Variants in ERC2 observed in about 807,000 individuals in gnomAD.
The protein encoded by ERC2 is ERC protein 2.
ERC2 carries 42 observed loss-of-function variants against 114.8 expected under a neutral mutation model. The ratio of observed to expected loss-of-function variants is 0.37; its 90% confidence interval spans 0.29 to 0.47. The LOEUF is 0.47. ERC2 is among the 20% of genes least tolerant of loss of function. The pLI, the probability that ERC2 is intolerant of heterozygous loss-of-function variation, is 0.99. For synonymous variants in ERC2, 454 were observed against 425.5 expected (o/e 1.07, Z -0.82); for missense variants, 939 against 1,150.7 (o/e 0.82, Z 2.66).
At chr3:56,174,945 C>G (rs896593161) in intron 3 of ERC2, among the ~76,000 whole-genome samples, 2 of 149,630 alleles carry the variant, frequency 1.3e-5, no homozygotes, top group Non-Finnish European at 3.0e-5. Context: ...GCCACTGCAC[C>G]CCAGCCTGGT....
At position 55,666,881 on chromosome 3, in the gene ERC2, C is replaced by G. The variant is rs138947162; in HGVS notation, c.*39+16913G>C. ...GCAACTTTCGTAAACTCTCTAGGGT[C>G]CAGTTTTCTTCTCTTTAACATGTAA... On this transcript the variant is annotated intron_variant, in intron 17 of 17. Coordinates refer to ENST00000288221, the MANE Select transcript of ERC2 (RefSeq NM_015576.3). Among the ~76,000 whole-genome samples, 214 of 151,962 alleles carry G rather than the reference C, an allele frequency of 1.4e-3. 6 individuals are homozygous for G. In the East Asian group the frequency reaches 0.037, roughly 26 times the overall value.
chr3:56,432,319 C>A (rs1397003147), intron 2 of ERC2, among the ~76,000 whole-genome samples: 2 of 152,126 alleles, frequency 1.3e-5, no homozygotes, highest in Non-Finnish European at 2.9e-5. Context: ...AGCTTTCAAA[C>A]TTTTTGTCCC....
intron 2 of ERC2, among the ~76,000 whole-genome samples, chr3:56,364,890 G>T (rs921624448): frequency 6.6e-6 from 1 of 152,194 alleles, no homozygotes; most frequent in Non-Finnish European, 1.5e-5. Context: ...CTGTGCTTAT[G>T]ATGCTGGTGG....
At chr3:55,793,746 G>A (rs1474049903) in intron 14 of ERC2, among the ~76,000 whole-genome samples, 3 of 151,840 alleles carry the variant, frequency 2.0e-5, no homozygotes, top group Admixed American at 6.6e-5. Flanking sequence ...TAGGGCCCCC[G>A]TCTACACCTA....
At chr3:55,537,331 C>G (rs1050458025) in intron 17 of ERC2, among the ~76,000 whole-genome samples, 4 of 152,180 alleles carry the variant, frequency 2.6e-5, no homozygotes, top group Non-Finnish European at 2.9e-5. Flanking sequence ...TGGTTTCCCC[C>G]CCTGAAGTGA....
intron 2 of ERC2, among the ~76,000 whole-genome samples, chr3:56,358,722 T>C (rs1051588635): frequency 6.6e-6 from 1 of 152,250 alleles, no homozygotes; most frequent in Non-Finnish European, 1.5e-5. Flanking sequence ...GGCAAATCTG[T>C]AGTCTCTCCA....
intron 3 of ERC2, among the ~76,000 whole-genome samples, chr3:56,264,105 T>A (rs1420058731): frequency 6.6e-6 from 1 of 152,200 alleles, no homozygotes; most frequent in Non-Finnish European, 1.5e-5. Flanking sequence ...TTTAACATCC[T>A]TTCATGTTGA....
chr3:55,908,903 C>G (rs2064630808), intron 13 of ERC2, among the ~76,000 whole-genome samples: 1 of 152,220 alleles, frequency 6.6e-6, no homozygotes, highest in South Asian at 2.1e-4. Flanking sequence ...GCAGAGAAAA[C>G]TGTGGGCAAT....
chr3:56,028,693 G>A (rs1037674409), intron 7 of ERC2, among the ~76,000 whole-genome samples: 10 of 152,008 alleles, frequency 6.6e-5, no homozygotes, highest in Admixed American at 2.0e-4. Flanking sequence ...TACTAGTTCT[G>A]GGAGTGAGGT....
intron 3 of ERC2, among the ~76,000 whole-genome samples, chr3:56,222,347 A>G (rs2049966902): frequency 6.6e-6 from 1 of 152,148 alleles, no homozygotes; most frequent in Admixed American, 6.5e-5. Context: ...TTAGTTTCCC[A>G]TGCAAACAAT....
chr3:55,623,557 G>C (rs1038607869), intron 17 of ERC2, among the ~76,000 whole-genome samples: 1 of 152,186 alleles, frequency 6.6e-6, no homozygotes. Flanking sequence ...GTTCACATCT[G>C]TTCCCCTGGT....
chr3:55,620,820 T>G (rs544370631), intron 17 of ERC2, among the ~76,000 whole-genome samples: 148 of 152,308 alleles, frequency 9.7e-4, no homozygotes, highest in Non-Finnish European at 1.8e-3. Context: ...CTATCTTAAA[T>G]CCTCAAGCTG....
At chr3:55,679,216 AGT>A (rs1404103138) in intron 17 of ERC2, among the ~76,000 whole-genome samples, 1 of 151,950 alleles carries the variant, frequency 6.6e-6, no homozygotes, top group Admixed American at 6.6e-5. Flanking sequence ...CTCTACCCAG[AGT>A]TATGGTCTTC....
At chr3:55,849,572 C>T (rs548696819) in intron 14 of ERC2, among the ~76,000 whole-genome samples, 14 of 152,294 alleles carry the variant, frequency 9.2e-5, no homozygotes, top group Middle Eastern at 6.8e-3. Flanking sequence ...CTGGCACCGA[C>T]GCAGGAGGAT....
chr3:56,445,904 CTTT>C (rs923803359), intron 1 of ERC2, among the ~76,000 whole-genome samples: 1 of 147,664 alleles, frequency 6.8e-6, no homozygotes, highest in Admixed American at 6.8e-5. Flanking sequence ...AAGCGTAATG[CTTT>C]TTTTTTTTCA....
chr3:56,241,627 T>C (rs1457510937), intron 3 of ERC2, among the ~76,000 whole-genome samples: 4 of 152,206 alleles, frequency 2.6e-5, no homozygotes, highest in African/African-American at 4.8e-5. Context: ...GATAAGATCA[T>C]AGATCATAGA....
intron 17 of ERC2, among the ~76,000 whole-genome samples, chr3:55,528,315 T>C (rs557585475): frequency 2.0e-5 from 3 of 152,350 alleles, no homozygotes; most frequent in Admixed American, 2.0e-4. Context: ...TGAAAAAGAT[T>C]CTTTGTAAAC....
chr3:56,196,546 G>A (rs2048118385), intron 3 of ERC2, among the ~76,000 whole-genome samples: 1 of 144,034 alleles, frequency 6.9e-6, no homozygotes, highest in African/African-American at 2.6e-5. Flanking sequence ...CTTGAGATGA[G>A]TTATTGAGAA....
chr3:56,110,237 T>G (rs1381572819), intron 6 of ERC2, among the ~76,000 whole-genome samples: 1 of 152,172 alleles, frequency 6.6e-6, no homozygotes, highest in Non-Finnish European at 1.5e-5. Context: ...GGTATTATAA[T>G]AGGTACACGA....
Sources: allele counts gnomAD v4.1 joint callset (sites outside exome capture counted in the v4.1 genomes callset), GRCh38; gene constraint gnomAD v4.1.1; transcripts MANE v1.5; gene names NCBI Gene and HGNC (gene_info 2026-07-23, HGNC 2026-07-21).